Variants in MAP7 observed in about 807,000 individuals in gnomAD.
MAP7 encodes microtubule associated protein 7, also known as ensconsin.
MAP7 carries 52 observed loss-of-function variants against 94.8 expected under a neutral mutation model. The observed-to-expected ratio is 0.55, with a 90% CI of 0.44 to 0.69. MAP7 has a LOEUF of 0.69. MAP7 is among the 30% of genes least tolerant of loss of function. The probability of loss-of-function intolerance (pLI) is 0.00; values close to 1 mark genes in which losing one functional copy is unlikely to be tolerated. For missense variants in MAP7, 940 were observed against 964.6 expected (o/e 0.97, Z 0.34); for synonymous variants, 350 against 357.0 (o/e 0.98, Z 0.22).
chr6:136,408,896 C>T (rs1431512061), intron 3 of MAP7, among the ~76,000 whole-genome samples: 5 of 151,918 alleles, frequency 3.3e-5, no homozygotes, highest in Non-Finnish European at 4.4e-5. Context: ...ATCATCCTCA[C>T]GTACTCTAAG....
chr6:136,457,863 CTATACCTTTAAGA>C (rs1582973238), intron 1 of MAP7, among the ~76,000 whole-genome samples: 1 of 152,212 alleles, frequency 6.6e-6, no homozygotes, highest in East Asian at 1.9e-4. Flanking sequence ...TAGTGAAAAA[CTATACCTTTAAGA>C]TAAGGAACAA....
At chr6:136,380,280 A>T (rs151166373) in intron 6 of MAP7, among the ~76,000 whole-genome samples, 1 of 152,350 alleles carries the variant, frequency 6.6e-6, no homozygotes, top group East Asian at 1.9e-4. Context: ...TCCTCCCATA[A>T]GCGTGACATC....
At chr6:136,548,143 TA>T (rs1041616765) in intron 1 of MAP7, among the ~76,000 whole-genome samples, 3 of 128,782 alleles carry the variant, frequency 2.3e-5, no homozygotes, top group African/African-American at 8.6e-5. Context: ...TCTGATTGTT[TA>T]AAAAAATGAG....
chr6:136,549,958 C>G (rs1394869594), intron 1 of MAP7, among the ~76,000 whole-genome samples: 1 of 152,222 alleles, frequency 6.6e-6, no homozygotes, highest in African/African-American at 2.4e-5. Context: ...CGACGACTCT[C>G]TGGCCACTGG....
At chr6:136,495,098 CT>C (rs1817794531) in intron 1 of MAP7, among the ~76,000 whole-genome samples, 1 of 152,204 alleles carries the variant, frequency 6.6e-6, no homozygotes, top group African/African-American at 2.4e-5. Flanking sequence ...CCCTCTTTAT[CT>C]TTACCATTAC....
chr6:136,526,105 C>G, intron 1 of MAP7: 2 of 1,368,516 alleles, frequency 1.5e-6, no homozygotes, highest in Non-Finnish European at 1.9e-6. Flanking sequence ...TATGGGTAAA[C>G]AGTTTGCAAA....
intron 1 of MAP7, among the ~76,000 whole-genome samples, chr6:136,522,364 G>A (rs1826630769): frequency 6.6e-6 from 1 of 152,002 alleles, no homozygotes; most frequent in Non-Finnish European, 1.5e-5. Flanking sequence ...TATCTAGTCT[G>A]CCATCTAAAC....
chr6:136,360,770 T>C lies in MAP7; in HGVS notation c.1730A>G (p.Glu577Gly). The change falls in exon 13 of 18, where the codon GAA (glutamate) becomes GGA (glycine). Residue 577 changes from glutamate to glycine, a missense_variant. Transcript: ENST00000354570. ...QKEEEARVRE[E>G]AERVRQEREK... The stretch of plus-strand genomic sequence containing the variant: ...TCGTTCCTGCCGGACCCTCTCTGCT[T>C]CTTCACGAACGCGAGCTTCTTCTTC... 2 of 1,614,016 alleles carry C rather than the reference T, an allele frequency of 1.2e-6. No homozygotes were observed. The highest frequency in any genetic ancestry group is 1.7e-6 in the Non-Finnish European group (2 of 1,180,028).
intron 1 of MAP7, among the ~76,000 whole-genome samples, chr6:136,521,350 T>C (rs1826359548): frequency 6.6e-6 from 1 of 152,162 alleles, no homozygotes; most frequent in Non-Finnish European, 1.5e-5. Flanking sequence ...TGGCACGCTA[T>C]GGAGGATGGG....
chr6:136,543,617 C>T (rs1331155888), intron 1 of MAP7, among the ~76,000 whole-genome samples: 2 of 152,016 alleles, frequency 1.3e-5, no homozygotes, highest in Non-Finnish European at 2.9e-5. Context: ...TGTGCCATTG[C>T]ACTCCAGCCT....
At chr6:136,383,615 G>C in intron 6 of MAP7, 56 bp downstream of exon 6, 1 of 957,224 alleles carries the variant, frequency 1.0e-6, no homozygotes, top group Non-Finnish European at 1.6e-6. Context: ...TAAACATCCA[G>C]AAAAAAAAGC....
At chr6:136,374,845 T>G (rs1775602068) in intron 7 of MAP7, among the ~76,000 whole-genome samples, 1 of 152,212 alleles carries the variant, frequency 6.6e-6, no homozygotes, top group Non-Finnish European at 1.5e-5. Context: ...ATTGCTGCAC[T>G]GAATAGCAAG....
At chr6:136,534,845 G>A (rs1013978470) in intron 1 of MAP7, among the ~76,000 whole-genome samples, 4 of 152,064 alleles carry the variant, frequency 2.6e-5, no homozygotes, top group Non-Finnish European at 4.4e-5. Flanking sequence ...TGATTCAAAA[G>A]TACAGATATA....
intron 1 of MAP7, among the ~76,000 whole-genome samples, chr6:136,523,723 T>G (rs1827064087): frequency 6.6e-6 from 1 of 152,086 alleles, no homozygotes; most frequent in African/African-American, 2.4e-5. Flanking sequence ...ATACCTACCC[T>G]TGCCCTTCCC....
At chr6:136,412,126 T>C (rs1262947972) in intron 2 of MAP7, among the ~76,000 whole-genome samples, 1 of 152,228 alleles carries the variant, frequency 6.6e-6, no homozygotes, top group East Asian at 1.9e-4. Flanking sequence ...GCATTCAGTT[T>C]CTGCCCCGTC....
intron 1 of MAP7, among the ~76,000 whole-genome samples, chr6:136,488,048 G>A (rs1304179603): frequency 6.6e-6 from 1 of 152,154 alleles, no homozygotes; most frequent in Non-Finnish European, 1.5e-5. Flanking sequence ...TTAGCTAATT[G>A]TAACATCTTA....
intron 3 of MAP7, among the ~76,000 whole-genome samples, chr6:136,397,816 T>C (rs75357427): frequency 6.6e-6 from 1 of 152,156 alleles, no homozygotes; most frequent in Non-Finnish European, 1.5e-5. Flanking sequence ...ATACAACTCA[T>C]TCAGTATTTA....
At chr6:136,351,244 A>C (rs988795326) in intron 16 of MAP7, among the ~76,000 whole-genome samples, 2 of 152,078 alleles carry the variant, frequency 1.3e-5, no homozygotes, top group South Asian at 2.1e-4. Context: ...GGTAAAAAAA[A>C]AAAAAAAAAC....
At chr6:136,480,129 C>T (rs1486003907) in intron 1 of MAP7, among the ~76,000 whole-genome samples, 1 of 152,152 alleles carries the variant, frequency 6.6e-6, no homozygotes, top group Non-Finnish European at 1.5e-5. Context: ...TAGCATGGTA[C>T]TGGCATAAAA....
Sources: allele counts gnomAD v4.1 joint callset (sites outside exome capture counted in the v4.1 genomes callset), GRCh38; gene constraint gnomAD v4.1.1; transcripts MANE v1.5; gene names NCBI Gene and HGNC (gene_info 2026-07-23, HGNC 2026-07-21).